The following CCDC30 variants were observed in gnomAD, a reference collection of about 807,000 sequenced individuals.
CCDC30 encodes the protein coiled-coil domain containing 30, also known as coiled-coil domain-containing protein 30.
CCDC30 carries 70 observed loss-of-function variants against 100.2 expected under a neutral mutation model. The ratio of observed to expected loss-of-function variants is 0.70; its 90% confidence interval spans 0.58 to 0.85. The LOEUF is 0.85. Among genes scored for constraint, CCDC30 ranks in the 40% least tolerant of loss-of-function variants. CCDC30 has a pLI of 0.00. For missense variants in CCDC30, 652 were observed against 771.2 expected, an observed-to-expected ratio of 0.85 and a Z score of 1.83; for synonymous variants, 233 against 269.5, an observed-to-expected ratio of 0.86 and a Z score of 1.33.
intron 6 of CCDC30, among the ~76,000 whole-genome samples, chr1:42,502,501 G>C (rs1644332337): frequency 6.6e-6 from 1 of 152,206 alleles, no homozygotes; most frequent in Non-Finnish European, 1.5e-5. Flanking sequence ...GCCCCAGTAA[G>C]ATGAACCCAG....
chr1:42,563,876 C>CA (rs879572200), intron 6 of CCDC30, among the ~76,000 whole-genome samples: 1,915 of 133,686 alleles, frequency 0.014, 31 homozygotes, highest in African/African-American at 0.045. Context: ...GACTCCATCT[C>CA]AAAAAAAAAA....
At chr1:42,518,930 A>G (rs1191246322) in intron 6 of CCDC30, among the ~76,000 whole-genome samples, 2 of 152,148 alleles carry the variant, frequency 1.3e-5, no homozygotes, top group Non-Finnish European at 2.9e-5. Context: ...TTTCATATGG[A>G]TTTTTATATT....
intron 6 of CCDC30, among the ~76,000 whole-genome samples, chr1:42,549,710 T>A (rs1310937288): frequency 2.6e-5 from 4 of 152,114 alleles, no homozygotes; most frequent in Non-Finnish European, 5.9e-5. Flanking sequence ...AATGAAAATT[T>A]CCCCCTACTC....
chr1:42,652,808 T>C (rs540141428), intron 15 of CCDC30, among the ~76,000 whole-genome samples: 2 of 152,326 alleles, frequency 1.3e-5, no homozygotes, highest in African/African-American at 2.4e-5. Context: ...ATTCTATTTA[T>C]ATGAAACATC....
At chr1:42,522,725 T>A (rs1307800649) in intron 6 of CCDC30, among the ~76,000 whole-genome samples, 2 of 152,336 alleles carry the variant, frequency 1.3e-5, no homozygotes, top group Admixed American at 6.5e-5. Context: ...AATAAATGAA[T>A]CTTTTCAATT....
intron 11 of CCDC30, among the ~76,000 whole-genome samples, chr1:42,621,635 C>T (rs1481059217): frequency 3.3e-5 from 5 of 152,054 alleles, no homozygotes; most frequent in African/African-American, 7.2e-5. Flanking sequence ...CCTCAGCCTC[C>T]GGAGTAGCTA....
chr1:42,463,935 C>T (rs778416531), intron 1 of CCDC30, 37 bp downstream of exon 1: 2 of 152,194 alleles, frequency 1.3e-5, no homozygotes, highest in Non-Finnish European at 2.9e-5. Context: ...ACAACTTTTT[C>T]CACTTCTCTC....
At chr1:42,518,283 T>C (rs999479132) in intron 6 of CCDC30, among the ~76,000 whole-genome samples, 3 of 152,330 alleles carry the variant, frequency 2.0e-5, no homozygotes, top group African/African-American at 7.2e-5. Flanking sequence ...TGTTAGAGTA[T>C]AGAAATGCAA....
At chr1:42,531,523 G>A (rs977529341) in intron 6 of CCDC30, among the ~76,000 whole-genome samples, 4 of 152,148 alleles carry the variant, frequency 2.6e-5, no homozygotes, top group African/African-American at 9.7e-5. Context: ...CATTTTGGAA[G>A]GCCAAGGCAG....
rs149187569 is a variant in CCDC30, at chr1:42,579,032, C to T, written c.846+1803C>T. 7.9e-3 allele frequency among the ~76,000 whole-genome samples: 1,197 copies of T among 152,138 alleles called. 21 individuals are homozygous for T. The highest frequency in any genetic ancestry group is 0.027 in the African/African-American group (1,119 of 41,508). Reference sequence around the variant, plus strand: ...TTTGAGACAGAGTCTCGCTCTGTCACCAGACTGGAGTGCAGTGGCGCTATC... The same window carrying T: ...TTTGAGACAGAGTCTCGCTCTGTCATCAGACTGGAGTGCAGTGGCGCTATC... On this transcript the variant is annotated intron_variant, in intron 8 of 16. Transcript: ENST00000668663.
At chr1:42,606,692 A>G (rs1201189731) in intron 10 of CCDC30, among the ~76,000 whole-genome samples, 5 of 152,210 alleles carry the variant, frequency 3.3e-5, no homozygotes, top group Admixed American at 2.6e-4. Context: ...GTGCAATACC[A>G]TAAACCTTAA....
At chr1:42,461,691 C>T (rs138986108), upstream of CCDC30, among the ~76,000 whole-genome samples, 20,018 of 151,952 alleles carry the variant, frequency 0.13, 1,491 homozygotes, top group East Asian at 0.18. Flanking sequence ...GGACTACAGG[C>T]GCCCGCCACC....
chr1:42,618,945 T>G (rs1646778494), intron 11 of CCDC30, among the ~76,000 whole-genome samples: 1 of 152,210 alleles, frequency 6.6e-6, no homozygotes, highest in Non-Finnish European at 1.5e-5. Flanking sequence ...TTAACTGCAA[T>G]AACTCATCCT....
At chr1:42,617,911 G>C (rs566486047) in intron 11 of CCDC30, among the ~76,000 whole-genome samples, 1 of 152,286 alleles carries the variant, frequency 6.6e-6, no homozygotes, top group African/African-American at 2.4e-5. Flanking sequence ...GGAAAGGGCT[G>C]TTATCAAGTT....
rs535421106 is a variant in CCDC30, at chr1:42,644,595, T to G, written c.1557-98T>G. 1.7e-5 allele frequency: 12 copies of G among 700,578 alleles called. No homozygotes were observed. In the East Asian group the frequency reaches 3.2e-4, roughly 18 times the overall value. The allele number at this position is 700,578 out of a possible 1,614,324, so 43.4% of individuals were successfully genotyped here. The stretch of plus-strand genomic sequence containing the variant: ...CTTGCTTCTAAAATCTGGACAGTAG[T>G]CTAAGATCCGGGGCCAGTGGGAAGT... On this transcript the variant is annotated intron_variant, in intron 13 of 16. Transcript: ENST00000668663.
At chr1:42,544,637 G>C (rs1254193429) in intron 6 of CCDC30, among the ~76,000 whole-genome samples, 2 of 152,058 alleles carry the variant, frequency 1.3e-5, no homozygotes. Context: ...ATCTCAGCCT[G>C]CTGAGTAGCT....
At position 42,545,675 on chromosome 1, in the gene CCDC30, AG is replaced by A. The variant is rs570578164; in HGVS notation, c.457-20620del. The A allele has an allele frequency of 2.7e-4, 296 of 1,097,596 alleles. 1 individual carries two copies. In the African/African-American group the frequency reaches 4.5e-3, roughly 17 times the overall value. 68.0% of individuals were successfully genotyped at this position (1,097,596 alleles called of 1,614,324 possible). The stretch of plus-strand genomic sequence containing the variant: ...AAGAATTTGACATTCGGCTGGGTGC[AG>A]TGGCTTAAGTCTGTAATCCCAGCAC... On this transcript the variant is annotated intron_variant, in intron 6 of 16. Coordinates refer to ENST00000668663, the Ensembl canonical transcript of CCDC30.
At chr1:42,467,060 T>C (rs1643613171) in intron 1 of CCDC30, among the ~76,000 whole-genome samples, 1 of 152,110 alleles carries the variant, frequency 6.6e-6, no homozygotes, top group Non-Finnish European at 1.5e-5. Flanking sequence ...ATGTCAAAAT[T>C]TGTGGAAATA....
intron 3 of CCDC30, among the ~76,000 whole-genome samples, chr1:42,483,962 G>A (rs979898509): frequency 2.0e-5 from 3 of 151,734 alleles, no homozygotes; most frequent in South Asian, 4.2e-4. Flanking sequence ...GCTTTATCTA[G>A]AATTTAGTAT....
Sources: gnomAD v4.1 joint callset for allele counts (sites outside exome capture counted in the v4.1 genomes callset) on GRCh38, gnomAD v4.1.1 for gene constraint, MANE v1.5 for transcripts, NCBI Gene and HGNC (gene_info 2026-07-23, HGNC 2026-07-21) for gene names.